The following C1orf159 variants were observed in gnomAD, a reference collection of about 807,000 sequenced individuals.
The protein encoded by C1orf159 is chromosome 1 open reading frame 159, also known as uncharacterized protein C1orf159.
Under a neutral mutation model 25.6 loss-of-function variants are expected in C1orf159, and 19 were observed. The observed-to-expected ratio is 0.74, with a 90% CI of 0.52 to 1.09. The LOEUF (loss-of-function observed/expected upper bound fraction) is 1.09, where lower values mean the gene tolerates loss of function less well. Among genes scored for constraint, C1orf159 ranks in the 50% least tolerant of loss-of-function variants. C1orf159 has a pLI of 0.00. For synonymous variants in C1orf159, 139 were observed against 124.7 expected (o/e 1.12, Z -0.77); for missense variants, 274 against 290.6 (o/e 0.94, Z 0.42).
intron 1 of C1orf159, among the ~76,000 whole-genome samples, chr1:1,112,134 T>C (rs987059012): frequency 1.3e-5 from 2 of 152,062 alleles, no homozygotes; most frequent in Admixed American, 6.6e-5. Flanking sequence ...GTCAGGTGGC[T>C]GTTAACTGTC....
rs1231728523 is a variant in C1orf159, at chr1:1,087,647, G to C, written c.149-50C>G. 3 of 1,330,250 alleles carry C rather than the reference G, an allele frequency of 2.3e-6. No homozygotes were observed. The highest frequency in any genetic ancestry group is 3.1e-6 in the Non-Finnish European group (3 of 964,386). 82.4% of individuals were successfully genotyped at this position (1,330,250 alleles called of 1,614,324 possible). ...GTCAGCCAAAGCAAAATCCACACCA[G>C]CTGGGTCTCCTGGGAATGATTCTCT... On this transcript the variant is annotated intron_variant, in intron 4 of 9. Coordinates refer to ENST00000421241, the MANE Select transcript of C1orf159 (RefSeq NM_017891.5). This position sits in a 1 kb window ranked among gnomAD's most constrained non-coding sequence, Gnocchi z 8.3.
At chr1:1,083,561 C>A in intron 9 of C1orf159, 1 of 267,150 alleles carries the variant, frequency 3.7e-6, no homozygotes, top group East Asian at 9.7e-5. Flanking sequence ...AGGCAGACAG[C>A]GTCCTCCCCG....
At chr1:1,091,230 C>G (rs1645927748) in intron 3 of C1orf159, 1 of 624,448 alleles carries the variant, frequency 1.6e-6, no homozygotes, top group African/African-American at 1.8e-5. Context: ...CAGGATGCCT[C>G]ACCGTGGGGG....
At chr1:1,084,048 C>T (rs953714431) in intron 9 of C1orf159, 12 of 1,608,994 alleles carry the variant, frequency 7.5e-6, no homozygotes, top group Non-Finnish European at 9.3e-6. Context: ...GGGGGTCTGC[C>T]CTGTCGTGGT....
intron 1 of C1orf159, among the ~76,000 whole-genome samples, chr1:1,106,307 A>G (rs2100771007): frequency 6.6e-6 from 1 of 152,366 alleles, no homozygotes; most frequent in Non-Finnish European, 1.5e-5. Flanking sequence ...GCAAATCAAA[A>G]TCAAAATGAA....
intron 1 of C1orf159, among the ~76,000 whole-genome samples, chr1:1,112,467 G>C (rs1047764468): frequency 6.6e-6 from 1 of 150,772 alleles, no homozygotes; most frequent in African/African-American, 2.5e-5. Context: ...CCTCCTTCCA[G>C]TGAACACACG....
chr1:1,114,777 AC>A lies in C1orf159; in HGVS notation c.-136+1282del, dbSNP rs142862168. Among the ~76,000 whole-genome samples the A allele has an allele frequency of 7.2e-3, 1,080 of 150,624 alleles. 10 individuals are homozygous for A. Among genetic ancestry groups the A allele is most frequent in the Middle Eastern group, 0.031 (9 of 290 alleles). On this transcript the variant is annotated intron_variant, in intron 1 of 9. Transcript: ENST00000421241. ...GGCCGCCCCTACCCTGGGGCTCAAA[AC>A]CGGCTCCCTCTGCGAGGGTTTCCCA...
At chr1:1,090,319 C>G (rs538867273) in intron 4 of C1orf159, 34 bp downstream of exon 4, 5 of 1,548,050 alleles carry the variant, frequency 3.2e-6, no homozygotes, top group African/African-American at 1.4e-5. Flanking sequence ...GCTCAGGGGC[C>G]GGTCTGGAAT....
At chr1:1,104,713 T>G (rs974016255) in intron 1 of C1orf159, among the ~76,000 whole-genome samples, 13 of 151,992 alleles carry the variant, frequency 8.6e-5, no homozygotes, top group Admixed American at 4.6e-4. Flanking sequence ...GAGGACTGCT[T>G]GAGCCCAGGA....
chr1:1,097,906 C>T (rs570090223), intron 1 of C1orf159, among the ~76,000 whole-genome samples: 1 of 152,128 alleles, frequency 6.6e-6, no homozygotes, highest in South Asian at 2.1e-4. Context: ...TTTTCCCTGG[C>T]TTCTGGGAGT....
rs114012235 is a variant in C1orf159 at position 1,110,583 on chromosome 1, C to T, written c.-136+5477G>A. ...AGGGAAATGCAAACTAAAGCCTCCA[C>T]GACCAAACGGCACTCAGCCTCTCGG... is the stretch of plus-strand genomic sequence containing the variant. On this transcript the variant is annotated intron_variant, in intron 1 of 9. Transcript: ENST00000421241. The surrounding 1 kb of genome is among the most constrained non-coding windows in gnomAD (Gnocchi z 4.8). 1.3e-5 allele frequency among the ~76,000 whole-genome samples: 2 copies of T among 152,310 alleles called. No homozygotes were observed. The highest frequency in any genetic ancestry group is 2.1e-4 in the South Asian group (1 of 4,828).
intron 1 of C1orf159, among the ~76,000 whole-genome samples, chr1:1,107,536 G>C (rs560571997): frequency 6.6e-6 from 1 of 152,150 alleles, no homozygotes; most frequent in Non-Finnish European, 1.5e-5. Context: ...GAACTTTTAC[G>C]TCTAGCTAGA....
chr1:1,086,064 C>T (rs375556202), intron 6 of C1orf159, 52 bp from the exon 7 acceptor site: 111 of 1,598,696 alleles, frequency 6.9e-5, no homozygotes, highest in African/African-American at 1.5e-4. Flanking sequence ...CCTGGCTCCT[C>T]GCCTGGCCCC....
At chr1:1,092,255 T>A (rs1220241743) in intron 1 of C1orf159, 152 bp from the exon 2 acceptor site, 3 of 252,352 alleles carry the variant, frequency 1.2e-5, no homozygotes, top group Middle Eastern at 1.5e-3. Flanking sequence ...GGAGGGGCTG[T>A]CTCCACGAGT....
Position 1,110,213 on chromosome 1 carries a change from T to G in C1orf159, c.-136+5847A>C, listed in dbSNP as rs1027265556. 6.6e-6 allele frequency among the ~76,000 whole-genome samples: 1 copy of G among 152,124 alleles called. No homozygotes were observed. The highest frequency in any genetic ancestry group is 3.2e-3 in the Middle Eastern group (1 of 316). Reference sequence around the variant, plus strand: ...CAGTTGTGTCTAAACTGAAAAAGGGTGGCAGTATAACCAGGTGTGTCCAAC... The same window carrying G: ...CAGTTGTGTCTAAACTGAAAAAGGGGGGCAGTATAACCAGGTGTGTCCAAC... On this transcript the variant is annotated intron_variant, in intron 1 of 9. Coordinates refer to ENST00000421241, the MANE Select transcript of C1orf159 (RefSeq NM_017891.5). The surrounding 1 kb of genome is among the most constrained non-coding windows in gnomAD (Gnocchi z 4.8).
intron 1 of C1orf159, among the ~76,000 whole-genome samples, chr1:1,105,496 A>AC (rs1646158507): frequency 1.3e-5 from 2 of 151,920 alleles, no homozygotes; most frequent in African/African-American, 2.4e-5. Context: ...ACAGAGTAAG[A>AC]CCCCATCTCA....
chr1:1,111,758 G>A (rs971201423), intron 1 of C1orf159, among the ~76,000 whole-genome samples: 8 of 152,144 alleles, frequency 5.3e-5, no homozygotes, highest in South Asian at 4.1e-4. Context: ...GCTGAACCTC[G>A]GTAAACACAG....
In C1orf159 at chr1:1,082,831, C is replaced by T. The variant is rs907847789; in HGVS notation, c.*62G>A. On this transcript the variant is annotated 3_prime_UTR_variant, in exon 10 of 10. Transcript: ENST00000421241. Reference sequence around the variant, plus strand: ...GATGCCAACACTTTGTGCTGGTTCCCGCCAAGGGGTCGGCCTCCGGGTCCC... The same window carrying T: ...GATGCCAACACTTTGTGCTGGTTCCTGCCAAGGGGTCGGCCTCCGGGTCCC... The T allele has an allele frequency of 3.0e-5, 43 of 1,437,430 alleles. No homozygotes were observed. In the African/African-American group the frequency reaches 3.3e-4, roughly 11 times the overall value. The allele number at this position is 1,437,430 out of a possible 1,614,324, so 89.0% of individuals were successfully genotyped here.
chr1:1,109,659 G>T (rs1646231010), intron 1 of C1orf159, among the ~76,000 whole-genome samples: 1 of 151,846 alleles, frequency 6.6e-6, no homozygotes, highest in Admixed American at 6.6e-5. Context: ...GGTAAAAAGG[G>T]TGTCTTGCTG....
Sources: allele counts gnomAD v4.1 joint callset (sites outside exome capture counted in the v4.1 genomes callset), GRCh38; gene constraint gnomAD v4.1.1; non-coding constraint Gnocchi (gnomAD v3.1); transcripts MANE v1.5; gene names NCBI Gene and HGNC (gene_info 2026-07-23, HGNC 2026-07-21).